The following ZDHHC11 variants were observed in gnomAD, a reference collection of about 807,000 sequenced individuals.
ZDHHC11 encodes the protein zDHHC palmitoyltransferase 11.
A neutral mutation model predicts 51.3 loss-of-function variants in ZDHHC11; 44 were observed. That is an observed-to-expected ratio of 0.86 (90% CI 0.67 to 1.10). ZDHHC11 has a LOEUF of 1.10. Ranked by LOEUF, ZDHHC11 falls within the 50% of genes least tolerant of loss-of-function variation. The pLI is 0.00. For missense variants in ZDHHC11, 400 were observed against 537.7 expected, an observed-to-expected ratio of 0.74 and a Z score of 2.53; for synonymous variants, 163 against 222.0, an observed-to-expected ratio of 0.73 and a Z score of 2.36.
chr5:840,043 C>G, intron 5 of ZDHHC11: 1 of 597,122 alleles, frequency 1.7e-6, no homozygotes. Flanking sequence ...GCAAGACCAC[C>G]AGCTCTCGCT....
In ZDHHC11 at chr5:838,004, G is replaced by A. The variant is rs1258699935; in HGVS notation, c.785-524C>T. The stretch of plus-strand genomic sequence containing the variant: ...AGTCGGAGGACCACGCAGTGGGGCG[G>A]CCACCCCGAGGTGCTGGCTAGCGGG... On this transcript the variant is annotated intron_variant, in intron 5 of 12. Coordinates refer to ENST00000283441, the MANE Select transcript of ZDHHC11 (RefSeq NM_024786.3). Among the ~76,000 whole-genome samples, 38 of 151,814 alleles carry A rather than the reference G, an allele frequency of 2.5e-4. 2 individuals are homozygous for A. The highest frequency in any genetic ancestry group is 6.2e-4 in the South Asian group (3 of 4,808).
Position 837,463 on chromosome 5 carries a change from T to C in ZDHHC11, c.802A>G (p.Thr268Ala), listed in dbSNP as rs745473442. Residue 268 changes from threonine to alanine, a missense_variant, in exon 6 of 13, where the codon ACC becomes GCC. Thr to Ala is a moderately conservative substitution (Grantham distance 58). This residue lies in a region of ZDHHC11 where 231 missense variants were observed against 227.4 expected (regional missense o/e 1.02). Coordinates refer to ENST00000283441, the MANE Select transcript of ZDHHC11 (RefSeq NM_024786.3). ...CGGTTATTAATGAGATACTCAAAGG[T>C]GGTCATCTTCTTGGCCTCTGGAAAG... ...HIYLKAKKMT[T>A]FEYLINNRKE... 2.5e-5 allele frequency: 41 copies of C among 1,609,500 alleles called. No homozygotes were observed. The highest frequency in any genetic ancestry group is 3.5e-5 in the Non-Finnish European group (41 of 1,176,392).
At chr5:825,120 C>T (rs1742146743) in intron 8 of ZDHHC11, 44 bp downstream of exon 8, 1 of 1,575,046 alleles carries the variant, frequency 6.3e-7, no homozygotes, top group Non-Finnish European at 8.7e-7. Flanking sequence ...ATATTCTGCA[C>T]ACGGCCCTGA....
intron 12 of ZDHHC11, among the ~76,000 whole-genome samples, chr5:797,686 T>A (rs1211819878): frequency 1.3e-4 from 20 of 151,750 alleles, no homozygotes; most frequent in African/African-American, 4.8e-4. Flanking sequence ...TATTTCTGAC[T>A]TTGTGTTTTC....
In ZDHHC11 at chr5:845,073, A is replaced by C. The variant is rs559593550; in HGVS notation, c.504-1349T>G. 1.3e-3 allele frequency among the ~76,000 whole-genome samples: 200 copies of C among 152,368 alleles called. No homozygotes were observed. In the Middle Eastern group the frequency reaches 0.017, roughly 13 times the overall value. On this transcript the variant is annotated intron_variant, in intron 3 of 12. Coordinates refer to ENST00000283441, the MANE Select transcript of ZDHHC11 (RefSeq NM_024786.3). Reference sequence around the variant, plus strand: ...GCATGAATGCCGCAGTCCTCCGAAGAGGCAGTTAGGGCACAGCTGCCTTCC... The same window carrying C: ...GCATGAATGCCGCAGTCCTCCGAAGCGGCAGTTAGGGCACAGCTGCCTTCC...
intron 3 of ZDHHC11, among the ~76,000 whole-genome samples, chr5:844,682 C>T (rs1280855678): frequency 1.3e-5 from 2 of 152,410 alleles, no homozygotes; most frequent in East Asian, 1.9e-4. Flanking sequence ...GATCTCTGCA[C>T]CCAAAGGGAA....
At chr5:825,482 C>T (rs1303864815) in intron 7 of ZDHHC11, among the ~76,000 whole-genome samples, 29 of 152,100 alleles carry the variant, frequency 1.9e-4, no homozygotes, top group African/African-American at 6.5e-4. Flanking sequence ...GCCACTGGGA[C>T]AATGCAAAGC....
intron 8 of ZDHHC11, chr5:824,171 G>A (rs1741959158): frequency 2.3e-6 from 1 of 437,822 alleles, no homozygotes; most frequent in Admixed American, 2.5e-5. Context: ...AAAAGGACCA[G>A]CCTGCGGCCT....
chr5:806,865 C>T (rs1739334564), intron 11 of ZDHHC11, among the ~76,000 whole-genome samples: 1 of 151,130 alleles, frequency 6.6e-6, no homozygotes. Context: ...TTGGAGAGGA[C>T]ATGAAGCAAT....
At chr5:813,414 T>C (rs1466543875) in intron 11 of ZDHHC11, among the ~76,000 whole-genome samples, 6 of 142,468 alleles carry the variant, frequency 4.2e-5, no homozygotes, top group African/African-American at 1.4e-4. Context: ...GGTGCACTCA[T>C]CTGTGAGGGG....
intron 1 of ZDHHC11, 42 bp from the exon 2 acceptor site, chr5:848,702 C>T (rs371029344): frequency 6.2e-6 from 10 of 1,606,660 alleles, no homozygotes; most frequent in Non-Finnish European, 8.5e-6. Context: ...CCTGGTCAGC[C>T]TGGCACGAGG....
intron 9 of ZDHHC11, among the ~76,000 whole-genome samples, 164 bp downstream of exon 9, chr5:821,697 C>T (rs1741588263): frequency 6.6e-6 from 1 of 151,466 alleles, no homozygotes; most frequent in African/African-American, 2.4e-5. Context: ...TTCCACAGGA[C>T]AGGTGACAGT....
At chr5:827,679 T>C (rs1742462618) in intron 7 of ZDHHC11, among the ~76,000 whole-genome samples, 1 of 150,918 alleles carries the variant, frequency 6.6e-6, no homozygotes, top group East Asian at 1.9e-4. Flanking sequence ...AAAGGAAAAA[T>C]ATCACTATCC....
rs868427653 is a variant in ZDHHC11 at position 843,966 on chromosome 5, A to G, written c.504-242T>C. On this transcript the variant is annotated intron_variant, in intron 3 of 12. Transcript: ENST00000283441. ...GGCATGCAGGGCAGGTGGGGGGTGC[A>G]GAGGCAGGGGCAGGGACACGCAGGG... is the stretch of plus-strand genomic sequence containing the variant. 7.0e-3 allele frequency among the ~76,000 whole-genome samples: 441 copies of G among 62,728 alleles called. 4 individuals carry two copies. The highest frequency in any genetic ancestry group is 0.033 in the Middle Eastern group (4 of 120). 41.2% of individuals were successfully genotyped at this position (62,728 alleles called of 152,430 possible).
rs147991614 is a variant in ZDHHC11 at position 850,580 on chromosome 5, T to C, written c.23A>G (p.Gln8Arg). 1.5e-5 allele frequency: 24 copies of C among 1,613,286 alleles called. No homozygotes were observed. The African/African-American group carries it at 2.5e-4, about 17-fold the overall frequency. ...TATGGCTTCTGGGGTGACGGAACACTGGCTCCCGGAGCGGGTGTCCATCTG... is the reference window on the plus strand; with the variant it reads ...TATGGCTTCTGGGGTGACGGAACACCGGCTCCCGGAGCGGGTGTCCATCTG... MDTRSGS[Q>R]CSVTPEAILN... is the part of the protein sequence containing the mutation. Residue 8 changes from glutamine (Q) to arginine (R), a missense_variant, in exon 1 of 13, where the codon CAG becomes CGG. By Grantham distance (43) the Gln-to-Arg change is conservative (BLOSUM62 1). Around this residue, in one of 5 missense-constraint regions of ZDHHC11, gnomAD observed 119 missense variants for 99.6 expected, o/e 1.20. Coordinates refer to ENST00000283441, the MANE Select transcript of ZDHHC11 (RefSeq NM_024786.3).
Position 795,843 on chromosome 5 carries a change from A to C in ZDHHC11, c.*745T>G, listed in dbSNP as rs1737486920. On this transcript the variant is annotated 3_prime_UTR_variant, in exon 13 of 13. Transcript: ENST00000283441. ...CAGTACTGTGCTCCCATTTCCCAGT[A>C]CTATGCTCCCATTTCCGAGTACTGT... 9.9e-6 allele frequency: 1 copy of C among 101,394 alleles called. No individual in the cohort carries two copies. The highest frequency in any genetic ancestry group is 1.7e-5 in the Non-Finnish European group (1 of 57,576). 6.3% of individuals were successfully genotyped at this position (101,394 alleles called of 1,614,324 possible). A position where few individuals can be genotyped will look rare whatever the true frequency, so the allele number is the denominator to read the frequency against.
chr5:822,341 A>C (rs1274274752), intron 8 of ZDHHC11, among the ~76,000 whole-genome samples: 14 of 151,478 alleles, frequency 9.2e-5, no homozygotes, highest in African/African-American at 2.9e-4. Flanking sequence ...CCTTGGGAGA[A>C]ACCAACCCTG....
intron 8 of ZDHHC11, chr5:823,675 G>T (rs1395818054): frequency 5.2e-6 from 1 of 191,862 alleles, no homozygotes; most frequent in African/African-American, 2.3e-5. Context: ...TTGTCCTGGA[G>T]CCCACGGAGA....
intron 9 of ZDHHC11, chr5:821,204 CA>C (rs1741517065): frequency 6.6e-6 from 1 of 151,518 alleles, no homozygotes; most frequent in South Asian, 2.1e-4. Flanking sequence ...GGAAGAGGGC[CA>C]GGGGTCCCCT....
Sources: allele counts gnomAD v4.1 joint callset (sites outside exome capture counted in the v4.1 genomes callset), GRCh38; gene constraint gnomAD v4.1.1; regional missense constraint gnomAD v4.1.1; transcripts MANE v1.5; gene names NCBI Gene and HGNC (gene_info 2026-07-23, HGNC 2026-07-21).